The following RABGEF1 variants were observed in gnomAD, a reference collection of about 807,000 sequenced individuals.
The protein encoded by RABGEF1 is RAB guanine nucleotide exchange factor 1.
RABGEF1 carries 26 observed loss-of-function variants against 57.3 expected under a neutral mutation model. That is an observed-to-expected ratio of 0.45 (90% CI 0.33 to 0.63). The LOEUF is 0.63. Among genes scored for constraint, RABGEF1 ranks in the 20% least tolerant of loss-of-function variants. The probability of loss-of-function intolerance (pLI) is 0.02; values close to 1 mark genes in which losing one functional copy is unlikely to be tolerated. For missense variants in RABGEF1, 464 were observed against 607.6 expected, an observed-to-expected ratio of 0.76 and a Z score of 2.48; for synonymous variants, 185 against 210.7, an observed-to-expected ratio of 0.88 and a Z score of 1.06.
chr7:66,693,876 C>T (rs1233299424), intron 1 of RABGEF1, among the ~76,000 whole-genome samples: 2 of 150,764 alleles, frequency 1.3e-5, no homozygotes, highest in Non-Finnish European at 2.9e-5. Context: ...GGCGAGATCT[C>T]GGCTCACCGT....
chr7:66,746,257 A>G (rs891196868), intron 1 of RABGEF1, among the ~76,000 whole-genome samples: 6 of 151,958 alleles, frequency 3.9e-5, no homozygotes, highest in African/African-American at 7.2e-5. Flanking sequence ...CCTGTTTTCA[A>G]TGAAGTTACT....
At chr7:66,679,172 T>C (rs1045816254), upstream of RABGEF1, among the ~76,000 whole-genome samples, 3 of 152,238 alleles carry the variant, frequency 2.0e-5, no homozygotes, top group Non-Finnish European at 4.4e-5. Flanking sequence ...CAGAAGGGTC[T>C]TCCCTCTATC....
intron 4 of RABGEF1, among the ~76,000 whole-genome samples, chr7:66,789,600 G>A (rs1161435158): frequency 2.0e-5 from 3 of 146,550 alleles, no homozygotes; most frequent in Admixed American, 7.0e-5. Context: ...GGAGAATGGC[G>A]TGAACCCGGG....
Position 66,772,073 on chromosome 7 carries a change from G to A in RABGEF1, c.174G>A (p.Ala58=), listed in dbSNP as rs566365627. The A allele has an allele frequency of 2.3e-5, 36 of 1,535,166 alleles. 1 individual carries two copies. In the South Asian group the frequency reaches 3.3e-4, roughly 14 times the overall value. The change falls in exon 2 of 9, where the codon GCG becomes GCA. Residue 58 remains alanine (A), a synonymous_variant. Transcript: ENST00000284957. Reference sequence around the variant, plus strand: ...AGATTCAGGAGGACTGGGAGCTGGCGGAGCGGTAAAAGGACTTAACTAGGG... The same window carrying A: ...AGATTCAGGAGGACTGGGAGCTGGCAGAGCGGTAAAAGGACTTAACTAGGG... ...QKQIQEDWEL[A]ERLQREEEEA...
upstream of RABGEF1, among the ~76,000 whole-genome samples, chr7:66,680,975 C>T (rs1027989750): frequency 2.6e-4 from 40 of 151,954 alleles, no homozygotes; most frequent in Non-Finnish European, 2.9e-5. Flanking sequence ...TCCGGCTACT[C>T]GAGAGGCTGA....
intron 1 of RABGEF1, among the ~76,000 whole-genome samples, chr7:66,762,902 A>G (rs1408447586): frequency 6.6e-6 from 1 of 152,214 alleles, no homozygotes; most frequent in Non-Finnish European, 1.5e-5. Flanking sequence ...CCTGGACAGC[A>G]AGGGCCACAG....
chr7:66,691,523 T>A (rs1477379077), intron 1 of RABGEF1, among the ~76,000 whole-genome samples: 1 of 152,128 alleles, frequency 6.6e-6, no homozygotes, highest in African/African-American at 2.4e-5. Flanking sequence ...ATACACATGG[T>A]CTGTGACTTA....
intron 2 of RABGEF1, among the ~76,000 whole-genome samples, chr7:66,716,626 C>A (rs1175870896): frequency 6.7e-6 from 1 of 149,278 alleles, no homozygotes; most frequent in Admixed American, 7.6e-5. Flanking sequence ...ATAAATAAAA[C>A]AGCAGCAACA....
intron 2 of RABGEF1, among the ~76,000 whole-genome samples, chr7:66,730,283 A>C (rs78611401): frequency 0.022 from 3,410 of 152,302 alleles, 50 homozygotes; most frequent in Non-Finnish European, 0.034. Flanking sequence ...TGAGACCCTG[A>C]GGAAGTCACT....
At position 66,811,077 on chromosome 7, in the gene RABGEF1, A is replaced by G. The variant is rs550287276; in HGVS notation, c.*1793A>G. On this transcript the variant is annotated 3_prime_UTR_variant, in exon 9 of 9. Coordinates refer to ENST00000284957, the MANE Select transcript of RABGEF1 (RefSeq NM_014504.3). ...TTGCCCTTCTTTGGTTTAATTTTCTATGTGCTTTTAGGTGTGAATCCAGAT... is the reference window on the plus strand; with the variant it reads ...TTGCCCTTCTTTGGTTTAATTTTCTGTGTGCTTTTAGGTGTGAATCCAGAT... The G allele has an allele frequency of 2.6e-5, 4 of 152,168 alleles. No individual in the cohort carries two copies. Among genetic ancestry groups the G allele is most frequent in the Admixed American group, 6.5e-5 (1 of 15,272 alleles). 9.4% of individuals were successfully genotyped at this position (152,168 alleles called of 1,614,324 possible). A position where few individuals can be genotyped will look rare whatever the true frequency, so the allele number is the denominator to read the frequency against.
At chr7:66,670,129 C>G in the RABGEF1 span, among the ~76,000 whole-genome samples, 5 of 152,310 alleles carry the variant, frequency 3.3e-5, no homozygotes, top group South Asian at 4.1e-4. Flanking sequence ...TCGACACCCC[C>G]CAAATAGCTC....
At chr7:66,781,223 A>G (rs1809810765) in intron 3 of RABGEF1, among the ~76,000 whole-genome samples, 2 of 152,166 alleles carry the variant, frequency 1.3e-5, no homozygotes, top group South Asian at 4.1e-4. Context: ...TGGGGTTTAC[A>G]GAATACATCT....
intron 4 of RABGEF1, among the ~76,000 whole-genome samples, chr7:66,789,322 A>G (rs1811997694): frequency 1.3e-5 from 2 of 152,192 alleles, no homozygotes; most frequent in African/African-American, 4.8e-5. Context: ...GAGGATGAGA[A>G]GTGAGGCAGT....
intron 2 of RABGEF1, among the ~76,000 whole-genome samples, chr7:66,728,339 T>G (rs1307913968): frequency 6.6e-6 from 1 of 152,178 alleles, no homozygotes; most frequent in African/African-American, 2.4e-5. Flanking sequence ...TCAGGGACCC[T>G]GACTGGTTGG....
At chr7:66,763,474 T>C (rs1804953763) in intron 1 of RABGEF1, among the ~76,000 whole-genome samples, 1 of 152,194 alleles carries the variant, frequency 6.6e-6, no homozygotes, top group South Asian at 2.1e-4. Flanking sequence ...GTGCTTTGAC[T>C]CTCTCTAACT....
At chr7:66,699,749 A>G (rs1241740148) in intron 1 of RABGEF1, among the ~76,000 whole-genome samples, 2 of 151,870 alleles carry the variant, frequency 1.3e-5, no homozygotes, top group African/African-American at 4.8e-5. Flanking sequence ...GCTACTCGGG[A>G]GGCTGAGGCA....
At chr7:66,721,409 A>AT (rs1288436360) in intron 2 of RABGEF1, among the ~76,000 whole-genome samples, 1 of 152,170 alleles carries the variant, frequency 6.6e-6, no homozygotes, top group African/African-American at 2.4e-5. Flanking sequence ...GATGTCACAG[A>AT]TTCGCCTTCT....
chr7:66,676,548 T>A, the RABGEF1 span, among the ~76,000 whole-genome samples: 1 of 152,232 alleles, frequency 6.6e-6, no homozygotes, highest in Non-Finnish European at 1.5e-5. Context: ...CGGACCTGTG[T>A]TGTTCAAGGG....
intron 2 of RABGEF1, among the ~76,000 whole-genome samples, chr7:66,724,986 A>G (rs1316519942): frequency 1.8e-4 from 27 of 152,074 alleles, no homozygotes; most frequent in Non-Finnish European, 2.9e-4. Context: ...TAGAAGTTCC[A>G]TTGGTTCTCT....
Sources: gnomAD v4.1 joint callset for allele counts (sites outside exome capture counted in the v4.1 genomes callset) on GRCh38, gnomAD v4.1.1 for gene constraint, MANE v1.5 for transcripts, NCBI Gene and HGNC (gene_info 2026-07-23, HGNC 2026-07-21) for gene names.